Variants in SORCS2 observed in about 807,000 individuals in gnomAD.
The protein encoded by SORCS2 is VPS10 domain-containing receptor SorCS2.
A neutral mutation model predicts 141.6 loss-of-function variants in SORCS2; 100 were observed. The ratio of observed to expected loss-of-function variants is 0.71; its 90% CI spans 0.60 to 0.83. The LOEUF (loss-of-function observed/expected upper bound fraction) is 0.83. SORCS2 is among the 40% of genes least tolerant of loss of function. The pLI is 0.00. For missense variants in SORCS2, 1,646 were observed against 1,560.2 expected (o/e 1.05, Z -0.93); for synonymous variants, 789 against 676.9 (o/e 1.17, Z -2.57).
chr4:7,728,314 A>G, intron 21 of SORCS2, 36 bp from the exon 22 acceptor site: 1 of 1,540,704 alleles, frequency 6.5e-7, no homozygotes, highest in Non-Finnish European at 8.9e-7. Context: ...CAGGCTGTCC[A>G]GAACTGACCA....
intron 2 of SORCS2, among the ~76,000 whole-genome samples, chr4:7,483,990 G>T (rs915626320): frequency 6.6e-6 from 1 of 152,156 alleles, no homozygotes; most frequent in Non-Finnish European, 1.5e-5. Context: ...TCAAATGCAC[G>T]TCTTCAAAGC....
intron 3 of SORCS2, among the ~76,000 whole-genome samples, chr4:7,630,749 G>A (rs1015772517): frequency 1.3e-5 from 2 of 152,190 alleles, no homozygotes; most frequent in East Asian, 1.9e-4. Context: ...CGGGGGTGGA[G>A]GCTGCAGTGT....
At chr4:7,631,100 C>A (rs1254616019) in intron 3 of SORCS2, among the ~76,000 whole-genome samples, 7 of 141,750 alleles carry the variant, frequency 4.9e-5, no homozygotes, top group African/African-American at 1.9e-4. Context: ...ATATGATGAG[C>A]TTAGCTGCCA....
chr4:7,544,458 G>C (rs536021886), intron 3 of SORCS2, among the ~76,000 whole-genome samples: 6 of 152,202 alleles, frequency 3.9e-5, no homozygotes, highest in Non-Finnish European at 7.3e-5. Context: ...TCTAGGATGG[G>C]ACAGGCAGAG....
intron 2 of SORCS2, among the ~76,000 whole-genome samples, chr4:7,493,755 A>G (rs1731445364): frequency 6.6e-6 from 1 of 152,186 alleles, no homozygotes; most frequent in Non-Finnish European, 1.5e-5. Context: ...AGTGGACACA[A>G]TGCCATATGG....
At chr4:7,728,288 C>A in intron 21 of SORCS2, 62 bp from the exon 22 acceptor site, 2 of 1,306,566 alleles carry the variant, frequency 1.5e-6, no homozygotes, top group Non-Finnish European at 2.2e-6. Flanking sequence ...GACCCCCACC[C>A]TGGAGCCGTC....
At chr4:7,343,324 G>C (rs1472042827) in intron 1 of SORCS2, among the ~76,000 whole-genome samples, 1 of 152,332 alleles carries the variant, frequency 6.6e-6, no homozygotes, top group East Asian at 1.9e-4. Context: ...GCTGGGTTTG[G>C]GTTCAGCTTC....
chr4:7,383,333 C>G (rs560609149), intron 1 of SORCS2, among the ~76,000 whole-genome samples: 2 of 152,262 alleles, frequency 1.3e-5, no homozygotes, highest in South Asian at 2.1e-4. Context: ...CTGCTGTGCC[C>G]AAATCTGGGT....
At chr4:7,208,420 G>A (rs1046752270) in intron 1 of SORCS2, among the ~76,000 whole-genome samples, 8 of 152,174 alleles carry the variant, frequency 5.3e-5, no homozygotes, top group Non-Finnish European at 1.2e-4. Flanking sequence ...AGGCAGGGCT[G>A]GTCTTCTGCC....
intron 1 of SORCS2, among the ~76,000 whole-genome samples, chr4:7,284,710 G>C (rs566266293): frequency 5.3e-5 from 8 of 152,190 alleles, no homozygotes; most frequent in Non-Finnish European, 2.9e-5. Flanking sequence ...TAGAACTCAG[G>C]TCAGCTGGCT....
intron 2 of SORCS2, among the ~76,000 whole-genome samples, chr4:7,439,589 C>T (rs1727526245): frequency 6.6e-6 from 1 of 152,222 alleles, no homozygotes; most frequent in African/African-American, 2.4e-5. Context: ...AGAGCAAACA[C>T]TTTTCTCCCA....
At chr4:7,272,427 G>T (rs1055954925) in intron 1 of SORCS2, among the ~76,000 whole-genome samples, 2 of 152,222 alleles carry the variant, frequency 1.3e-5, no homozygotes, top group African/African-American at 4.8e-5. Flanking sequence ...AATAAATGGA[G>T]GTCTTAGAAT....
At chr4:7,488,973 G>A (rs887081426) in intron 2 of SORCS2, among the ~76,000 whole-genome samples, 11 of 152,204 alleles carry the variant, frequency 7.2e-5, no homozygotes, top group East Asian at 1.9e-4. Flanking sequence ...TTACGTATTC[G>A]TGCTTTTTCA....
intron 2 of SORCS2, among the ~76,000 whole-genome samples, chr4:7,468,552 G>A (rs1729761085): frequency 6.6e-6 from 1 of 152,354 alleles, no homozygotes; most frequent in Non-Finnish European, 1.5e-5. Flanking sequence ...TGCAGTGGGG[G>A]CACTTGGAAA....
intron 2 of SORCS2, among the ~76,000 whole-genome samples, chr4:7,459,134 A>G (rs1030656970): frequency 2.6e-5 from 4 of 152,076 alleles, no homozygotes; most frequent in African/African-American, 9.7e-5. Context: ...GGTGCAGTGA[A>G]GACCGTGTGG....
intron 1 of SORCS2, among the ~76,000 whole-genome samples, chr4:7,283,427 C>T (rs78328029): frequency 3.3e-5 from 5 of 152,234 alleles, no homozygotes; most frequent in East Asian, 3.9e-4. Flanking sequence ...AGTAGGGCTT[C>T]GGTAGGTGTT....
intron 11 of SORCS2, among the ~76,000 whole-genome samples, chr4:7,693,435 C>A (rs1052008019): frequency 6.6e-6 from 1 of 152,216 alleles, no homozygotes; most frequent in African/African-American, 2.4e-5. Context: ...TCTTGTGCCT[C>A]CCCTAGAAAG....
chr4:7,579,038 AATTTC>A (rs1025157674), intron 3 of SORCS2, among the ~76,000 whole-genome samples: 14 of 151,934 alleles, frequency 9.2e-5, no homozygotes, highest in African/African-American at 3.4e-4. Context: ...AGATGGCTAT[AATTTC>A]ATTTCAGTAT....
At chr4:7,395,756 C>G (rs1724172137) in intron 1 of SORCS2, among the ~76,000 whole-genome samples, 1 of 152,200 alleles carries the variant, frequency 6.6e-6, no homozygotes, top group African/African-American at 2.4e-5. Context: ...CCCCAAGCAT[C>G]TTGGCTGTGC....
Sources: gnomAD v4.1 joint callset for allele counts (sites outside exome capture counted in the v4.1 genomes callset) on GRCh38, gnomAD v4.1.1 for gene constraint, MANE v1.5 for transcripts, NCBI Gene and HGNC (gene_info 2026-07-23, HGNC 2026-07-21) for gene names.